Variants in SAMD12 observed in about 807,000 individuals in gnomAD.
SAMD12 encodes sterile alpha motif domain-containing protein 12.
A neutral mutation model predicts 15.0 loss-of-function variants in SAMD12; 9 were observed. That is an observed-to-expected ratio of 0.60 (90% confidence interval 0.36 to 1.05). SAMD12 has a LOEUF of 1.05. Among genes scored for constraint, SAMD12 ranks in the 50% least tolerant of loss-of-function variants. The pLI, the probability that SAMD12 is intolerant of heterozygous loss-of-function variation, is 0.01. For synonymous variants in SAMD12, 86 were observed against 90.1 expected, an observed-to-expected ratio of 0.96 and a Z score of 0.25; for missense variants, 230 against 234.2, an observed-to-expected ratio of 0.98 and a Z score of 0.12.
At chr8:118,426,811 G>A (rs748406422) in intron 3 of SAMD12, among the ~76,000 whole-genome samples, 11 of 139,296 alleles carry the variant, frequency 7.9e-5, no homozygotes, top group African/African-American at 1.6e-4. Flanking sequence ...GAAATCGTGA[G>A]TATTTTGTGT....
At position 118,533,052 on chromosome 8, in the gene SAMD12, TC is replaced by T. The variant is rs1037851178; in HGVS notation, c.192+47662del. Among the ~76,000 whole-genome samples, 256 of 152,354 alleles carry T rather than the reference TC, an allele frequency of 1.7e-3. 1 individual carries two copies. Among genetic ancestry groups the T allele is most frequent in the African/African-American group, 4.8e-3 (201 of 41,580 alleles). ...TGTTAGGGTGTCAATTTTAGATCTT[TC>T]CTGCTTTCTCTTGTGGGCATTTAGT... On this transcript the variant is annotated intron_variant, in intron 2 of 3. Transcript: ENST00000314727.
chr8:118,255,562 T>A (rs1356097568), intron 4 of SAMD12, among the ~76,000 whole-genome samples: 2 of 137,260 alleles, frequency 1.5e-5, no homozygotes, highest in South Asian at 2.5e-4. Flanking sequence ...TGTCCATGTG[T>A]TCTCATTGTT....
At chr8:118,445,756 A>T (rs1216626852) in intron 2 of SAMD12, among the ~76,000 whole-genome samples, 1 of 152,162 alleles carries the variant, frequency 6.6e-6, no homozygotes, top group Non-Finnish European at 1.5e-5. Context: ...TTACTTTTCA[A>T]ATTTTGATGC....
At chr8:118,211,979 C>T (rs1222860198) in intron 4 of SAMD12, among the ~76,000 whole-genome samples, 9 of 152,008 alleles carry the variant, frequency 5.9e-5, no homozygotes, top group Admixed American at 5.9e-4. Context: ...TGAGACTGGT[C>T]AAGTTGTTTA....
At chr8:118,302,339 T>C (rs1319105517) in intron 4 of SAMD12, among the ~76,000 whole-genome samples, 2 of 152,208 alleles carry the variant, frequency 1.3e-5, no homozygotes, top group African/African-American at 4.8e-5. Context: ...ATTTATAATG[T>C]GTTTATTGAG....
In SAMD12 at chr8:118,439,631, T is replaced by C. The variant is rs1822672684; in HGVS notation, c.322+201A>G. The stretch of plus-strand genomic sequence containing the variant: ...TATACTTTTACAATGGATGCTAAAA[T>C]CCACAGTTTTCTATAATAACCATGT... On this transcript the variant is annotated intron_variant, in intron 3 of 3. Transcript: ENST00000314727. Among the ~76,000 whole-genome samples the C allele has an allele frequency of 3.3e-5, 5 of 151,880 alleles. No individual in the cohort carries two copies. In the South Asian group the frequency reaches 1.0e-3, roughly 32 times the overall value.
At chr8:118,189,219 C>G (rs1819295915), downstream of SAMD12, among the ~76,000 whole-genome samples, 1 of 152,050 alleles carries the variant, frequency 6.6e-6, no homozygotes, top group Non-Finnish European at 1.5e-5. Context: ...TGGGGGAATT[C>G]TGTGTGCTGG....
At chr8:118,313,794 G>GA (rs1422366314) in intron 4 of SAMD12, among the ~76,000 whole-genome samples, 1 of 151,770 alleles carries the variant, frequency 6.6e-6, no homozygotes, top group Non-Finnish European at 1.5e-5. Flanking sequence ...TTAATGGAAA[G>GA]AAAAAACGCT....
exon 5 of SAMD12, chr8:118,194,941 GAC>G (rs1819515821): frequency 6.6e-6 from 1 of 152,142 alleles, no homozygotes; most frequent in African/African-American, 2.4e-5. Flanking sequence ...AACAGAAGTT[GAC>G]AGTTTGGAAA....
intron 4 of SAMD12, among the ~76,000 whole-genome samples, chr8:118,352,780 A>G (rs1818020257): frequency 6.6e-6 from 1 of 152,202 alleles, no homozygotes; most frequent in Non-Finnish European, 1.5e-5. Context: ...TTAATGCACT[A>G]AGAAATGCAG....
At chr8:118,569,622 C>T (rs1826950200) in intron 2 of SAMD12, among the ~76,000 whole-genome samples, 1 of 152,056 alleles carries the variant, frequency 6.6e-6, no homozygotes, top group Admixed American at 6.6e-5. Context: ...GGGTGGAGGG[C>T]CCCATGATGA....
At chr8:118,609,085 C>CAAAGTATGTATACATACATTTTTA (rs1828046882) in intron 1 of SAMD12, among the ~76,000 whole-genome samples, 3 of 152,126 alleles carry the variant, frequency 2.0e-5, no homozygotes, top group Non-Finnish European at 4.4e-5. Context: ...ATACATTTTT[C>CAAAGTATGTATACATACATTTTTA]AAAGTATGTA....
At chr8:118,165,614 G>GTATATATATA in the SAMD12 span, among the ~76,000 whole-genome samples, 1 of 120,434 alleles carries the variant, frequency 8.3e-6, no homozygotes, top group East Asian at 2.5e-4. Context: ...ATATATATAT[G>GTATATATATA]TATATATATA....
chr8:118,191,786 A>C lies in SAMD12; in HGVS notation c.*5924T>G, dbSNP rs1457116363. On this transcript the variant is annotated 3_prime_UTR_variant, in exon 5 of 5. Transcript: ENST00000409003. Reference sequence around the variant, plus strand: ...TATATATATATATATATATATATATATATATATATATATATATATATATAT... The same window carrying C: ...TATATATATATATATATATATATATCTATATATATATATATATATATATAT... 4.2e-3 allele frequency: 225 copies of C among 53,246 alleles called. 10 individuals carry two copies. Among genetic ancestry groups the C allele is most frequent in the African/African-American group, 0.015 (212 of 13,958 alleles). 3.3% of individuals were successfully genotyped at this position (53,246 alleles called of 1,614,324 possible). A position where few individuals can be genotyped will look rare whatever the true frequency, so the allele number is the denominator to read the frequency against.
At chr8:118,357,870 G>A (rs1005605743) in intron 4 of SAMD12, among the ~76,000 whole-genome samples, 1 of 151,794 alleles carries the variant, frequency 6.6e-6, no homozygotes, top group African/African-American at 2.4e-5. Flanking sequence ...CTCAGGCCAG[G>A]CACAGTGGCT....
intron 4 of SAMD12, among the ~76,000 whole-genome samples, chr8:118,298,485 T>A (rs901160102): frequency 6.6e-6 from 1 of 152,320 alleles, no homozygotes; most frequent in East Asian, 1.9e-4. Context: ...TGATCCCCGA[T>A]TTCTGCCTAT....
the SAMD12 span, among the ~76,000 whole-genome samples, chr8:118,144,156 A>C: frequency 1.3e-5 from 2 of 152,038 alleles, no homozygotes; most frequent in Non-Finnish European, 2.9e-5. Context: ...TCTTATAAGG[A>C]TTCGGGCGAG....
At chr8:118,238,970 T>C (rs1208246124) in intron 4 of SAMD12, among the ~76,000 whole-genome samples, 1 of 152,130 alleles carries the variant, frequency 6.6e-6, no homozygotes, top group East Asian at 1.9e-4. Flanking sequence ...GGTCTTTTTT[T>C]ACCATGGAAA....
chr8:118,197,476 G>A (rs1258081552), exon 5 of SAMD12: 7 of 587,520 alleles, frequency 1.2e-5, no homozygotes. Context: ...GTCTGCCAAT[G>A]ACCACTTGGA....
Sources: gnomAD v4.1 joint callset for allele counts (sites outside exome capture counted in the v4.1 genomes callset) on GRCh38, gnomAD v4.1.1 for gene constraint, MANE v1.5 for transcripts, NCBI Gene and HGNC (gene_info 2026-07-23, HGNC 2026-07-21) for gene names.